The following FRMD6 variants were observed in gnomAD, a reference collection of about 807,000 sequenced individuals.
The protein encoded by FRMD6 is FERM domain-containing protein 6.
A neutral mutation model predicts 73.2 loss-of-function variants in FRMD6; 37 were observed. The ratio of observed to expected loss-of-function variants is 0.51; its 90% CI spans 0.39 to 0.66. The LOEUF (loss-of-function observed/expected upper bound fraction) is 0.66, where lower values mean the gene tolerates loss of function less well. Ranked by LOEUF, FRMD6 falls within the 30% of genes least tolerant of loss-of-function variation. FRMD6 has a pLI of 0.00. For missense variants in FRMD6, 714 were observed against 780.5 expected (o/e 0.91, Z 1.02); for synonymous variants, 273 against 282.2 (o/e 0.97, Z 0.33).
At chr14:51,684,831 A>G (rs959027074) in intron 1 of FRMD6, among the ~76,000 whole-genome samples, 1 of 152,236 alleles carries the variant, frequency 6.6e-6, no homozygotes, top group Non-Finnish European at 1.5e-5. Context: ...TTTAATGAGC[A>G]TATACTATGT....
chr14:51,665,044 C>A (rs1441800205), intron 1 of FRMD6, among the ~76,000 whole-genome samples: 2 of 152,214 alleles, frequency 1.3e-5, no homozygotes. Flanking sequence ...GGGTGGAATT[C>A]ATCATGCCAG....
At chr14:51,536,388 TG>T (rs1169779058) in intron 1 of FRMD6, among the ~76,000 whole-genome samples, 1 of 152,008 alleles carries the variant, frequency 6.6e-6, no homozygotes, top group Non-Finnish European at 1.5e-5. Context: ...CCACTGCAGC[TG>T]GCCTCTTGCC....
intron 2 of FRMD6, among the ~76,000 whole-genome samples, chr14:51,588,198 C>G (rs1889166933): frequency 6.6e-6 from 1 of 152,106 alleles, no homozygotes; most frequent in African/African-American, 2.4e-5. Context: ...CCTCCCAAAC[C>G]TGCAAATGAC....
chr14:51,697,875 A>G (rs1476781723), intron 2 of FRMD6: 4 of 270,490 alleles, frequency 1.5e-5, no homozygotes, highest in African/African-American at 2.2e-5. Context: ...ATCATTTATC[A>G]TGCACCATGG....
intron 1 of FRMD6, among the ~76,000 whole-genome samples, chr14:51,513,487 G>A (rs1026868932): frequency 5.9e-5 from 9 of 152,272 alleles, no homozygotes; most frequent in African/African-American, 1.7e-4. Flanking sequence ...CCCGGGCCAG[G>A]CCTTTCTTCA....
intron 1 of FRMD6, among the ~76,000 whole-genome samples, chr14:51,683,354 T>G (rs1894935164): frequency 6.6e-6 from 1 of 152,176 alleles, no homozygotes; most frequent in East Asian, 1.9e-4. Context: ...ACTGCAGCAA[T>G]GACTTGAGCC....
intron 2 of FRMD6, among the ~76,000 whole-genome samples, chr14:51,644,505 TAG>T (rs763043659): frequency 1.3e-5 from 2 of 152,184 alleles, no homozygotes; most frequent in Non-Finnish European, 2.9e-5. Context: ...CCATAGCAGT[TAG>T]AGAGATTTTA....
intron 8 of FRMD6, 42 bp from the exon 9 acceptor site, chr14:51,712,441 A>C: frequency 8.2e-7 from 1 of 1,224,128 alleles, no homozygotes; most frequent in Non-Finnish European, 1.2e-6. Flanking sequence ...TACAGTATCT[A>C]TCATTTTTCC....
Position 51,641,033 on chromosome 14 carries a change from C to T in FRMD6, c.-146-48658C>T, listed in dbSNP as rs574753009. 1.6e-3 allele frequency among the ~76,000 whole-genome samples: 244 copies of T among 151,990 alleles called. 1 individual carries two copies. The highest frequency in any genetic ancestry group is 1.8e-3 in the Non-Finnish European group (124 of 67,972). On this transcript the variant is annotated intron_variant, in intron 2 of 14. Transcript: ENST00000356218. ...TCACCCAGGCTGGAGTACAGTGGCA[C>T]GATCTCAGCTCACTGCAACCTCCAC...
intron 1 of FRMD6, among the ~76,000 whole-genome samples, chr14:51,544,525 T>C (rs1886359601): frequency 6.6e-6 from 1 of 152,098 alleles, no homozygotes; most frequent in African/African-American, 2.4e-5. Flanking sequence ...AGTTGAGCTG[T>C]TGAGGAATTT....
At chr14:51,721,645 G>GGGAA (rs35529093) in intron 11 of FRMD6, among the ~76,000 whole-genome samples, 3 of 133,148 alleles carry the variant, frequency 2.3e-5, no homozygotes, top group African/African-American at 5.8e-5. Context: ...GAGGGAGGGA[G>GGGAA]GGAAGGAAGG....
intron 2 of FRMD6, 131 bp downstream of exon 2, chr14:51,690,066 C>CA: frequency 1.4e-6 from 1 of 694,744 alleles, no homozygotes; most frequent in South Asian, 1.7e-5. Flanking sequence ...ATTGGGTTGT[C>CA]AAATAGTCCA....
chr14:51,494,715 A>G (rs925069593), intron 1 of FRMD6, among the ~76,000 whole-genome samples: 1 of 152,188 alleles, frequency 6.6e-6, no homozygotes, highest in Non-Finnish European at 1.5e-5. Flanking sequence ...CCCTAATGGT[A>G]GTCTATGATA....
intron 2 of FRMD6, among the ~76,000 whole-genome samples, chr14:51,645,230 G>C (rs1333768622): frequency 6.6e-6 from 1 of 152,216 alleles, no homozygotes; most frequent in Non-Finnish European, 1.5e-5. Flanking sequence ...AATCAGGTGA[G>C]AGGAGAAACA....
At chr14:51,712,427 AT>A in intron 8 of FRMD6, 55 bp from the exon 9 acceptor site, 1 of 1,087,562 alleles carries the variant, frequency 9.2e-7, no homozygotes, top group Non-Finnish European at 1.4e-6. Flanking sequence ...AGTTAGAGCC[AT>A]TTTACAGTAT....
rs559302235 is a variant in FRMD6 at position 51,566,341 on chromosome 14, G to A, written c.-209-4007G>A. 4.6e-5 allele frequency among the ~76,000 whole-genome samples: 7 copies of A among 152,276 alleles called. No individual in the cohort carries two copies. The South Asian group carries it at 8.3e-4, about 18-fold the overall frequency. ...TCCTCAGAGCAAACAGTAAAGAATC[G>A]ATTGTCCAGAGTAAAGACCCATACA... On this transcript the variant is annotated intron_variant, in intron 1 of 14. Coordinates refer to the FRMD6 transcript ENST00000356218.
chr14:51,545,897 A>G (rs955338460), intron 1 of FRMD6, among the ~76,000 whole-genome samples: 1 of 152,128 alleles, frequency 6.6e-6, no homozygotes, highest in Non-Finnish European at 1.5e-5. Flanking sequence ...ATCCTAATCA[A>G]TCCATGGTAG....
intron 1 of FRMD6, among the ~76,000 whole-genome samples, chr14:51,503,549 T>G (rs1883744670): frequency 6.6e-6 from 1 of 152,216 alleles, no homozygotes; most frequent in African/African-American, 2.4e-5. Context: ...GAACCAACCT[T>G]GCATCCCGGG....
chr14:51,585,922 C>CTTGTGTGTGTGTGTGTGT (rs1461002719), intron 2 of FRMD6, among the ~76,000 whole-genome samples: 1 of 10,756 alleles, frequency 9.3e-5, no homozygotes, highest in Non-Finnish European at 2.4e-4. Context: ...TATGCCATGG[C>CTTGTGTGTGTGTGTGTGT]ATGTGTGTGT....
Sources: allele counts gnomAD v4.1 joint callset (sites outside exome capture counted in the v4.1 genomes callset), GRCh38; gene constraint gnomAD v4.1.1; transcripts MANE v1.5; gene names NCBI Gene and HGNC (gene_info 2026-07-23, HGNC 2026-07-21).